Variants in KCTD16 observed in about 807,000 individuals in gnomAD.
KCTD16 encodes BTB/POZ domain-containing protein KCTD16.
A neutral mutation model predicts 33.2 loss-of-function variants in KCTD16; 13 were observed. The observed-to-expected ratio is 0.39, with a 90% CI of 0.25 to 0.62. KCTD16 has a LOEUF of 0.62. Among genes scored for constraint, KCTD16 ranks in the 20% least tolerant of loss-of-function variants. KCTD16 has a pLI of 0.50. For missense variants in KCTD16, 441 were observed against 525.1 expected (o/e 0.84, Z 1.57); for synonymous variants, 197 against 195.3 (o/e 1.01, Z -0.07).
rs954751929 is a variant in KCTD16, at chr5:144,457,111, G to A, written c.833-16549G>A. On this transcript the variant is annotated intron_variant, in intron 3 of 3. Transcript: ENST00000512467. ...TTAACTATATGTATTTAAATGTAAC[G>A]CACACTTATCAAATCTGTGATCAGG... Among the ~76,000 whole-genome samples the A allele has an allele frequency of 9.2e-5, 14 of 152,164 alleles. No individual in the cohort carries two copies. In the East Asian group the frequency reaches 1.2e-3, roughly 13 times the overall value.
At chr5:144,262,550 C>T (rs1755040446) in intron 3 of KCTD16, among the ~76,000 whole-genome samples, 1 of 152,176 alleles carries the variant, frequency 6.6e-6, no homozygotes, top group African/African-American at 2.4e-5. Flanking sequence ...AACAGGTTTT[C>T]CTATACCTTA....
intron 3 of KCTD16, among the ~76,000 whole-genome samples, chr5:144,241,963 C>A (rs777238617): frequency 1.3e-5 from 2 of 152,116 alleles, no homozygotes; most frequent in Admixed American, 6.6e-5. Context: ...TGAAGACTCC[C>A]GTTCTGTTCT....
intron 3 of KCTD16, among the ~76,000 whole-genome samples, chr5:144,353,899 AT>A (rs201841452): frequency 0.027 from 4,074 of 152,150 alleles, 87 homozygotes; most frequent in African/African-American, 0.045. Flanking sequence ...CACAAAATCG[AT>A]GTTTGCTGAC....
At chr5:144,465,960 T>C (rs1017398830) in intron 3 of KCTD16, among the ~76,000 whole-genome samples, 1 of 152,034 alleles carries the variant, frequency 6.6e-6, no homozygotes, top group Non-Finnish European at 1.5e-5. Flanking sequence ...AGTCTCAGCC[T>C]CCCAAGTAGC....
chr5:144,341,524 A>G (rs1464473537), intron 3 of KCTD16, among the ~76,000 whole-genome samples: 1 of 152,246 alleles, frequency 6.6e-6, no homozygotes. Context: ...AAAGATCTGA[A>G]CATCTGCAAT....
intron 3 of KCTD16, among the ~76,000 whole-genome samples, chr5:144,390,348 G>A (rs1022088031): frequency 6.6e-6 from 1 of 152,086 alleles, no homozygotes; most frequent in Non-Finnish European, 1.5e-5. Context: ...TTGAAGGAAA[G>A]GGGAAGGCTG....
Position 144,474,329 on chromosome 5 carries a change from T to C in KCTD16, c.*215T>C, listed in dbSNP as rs1754548384. On this transcript the variant is annotated 3_prime_UTR_variant, in exon 4 of 4. Transcript: ENST00000512467. ...TTCTAGATGTGGAAGTACAAGAAAATCTTTTTTAGTTATTTGTTTGTTTAC... is the reference window on the plus strand; with the variant it reads ...TTCTAGATGTGGAAGTACAAGAAAACCTTTTTTAGTTATTTGTTTGTTTAC... The C allele has an allele frequency of 3.9e-6, 2 of 507,496 alleles. No individual in the cohort carries two copies. Among genetic ancestry groups the C allele is most frequent in the Non-Finnish European group, 7.0e-6 (2 of 287,648 alleles). The allele number at this position is 507,496 out of a possible 1,614,324, so 31.4% of individuals were successfully genotyped here. A position where few individuals can be genotyped will look rare whatever the true frequency, so the allele number is the denominator to read the frequency against.
In KCTD16 at chr5:144,483,530, A is replaced by G. The variant is rs1754746222; in HGVS notation, c.*9416A>G. ...ACCCAAATAGTTGCTCAAAGAAAGAACAATGTAAGTCAAATACAAGAAAAC... is the reference window on the plus strand; with the variant it reads ...ACCCAAATAGTTGCTCAAAGAAAGAGCAATGTAAGTCAAATACAAGAAAAC... On this transcript the variant is annotated 3_prime_UTR_variant, in exon 4 of 4. Transcript: ENST00000512467. 6.6e-6 allele frequency: 1 copy of G among 152,012 alleles called. No individual in the cohort carries two copies. The highest frequency in any genetic ancestry group is 2.1e-4 in the South Asian group (1 of 4,836). 9.4% of individuals were successfully genotyped at this position (152,012 alleles called of 1,614,324 possible). A position where few individuals can be genotyped will look rare whatever the true frequency, so the allele number is the denominator to read the frequency against.
intron 3 of KCTD16, among the ~76,000 whole-genome samples, chr5:144,316,659 C>T (rs111757209): frequency 1.1e-3 from 170 of 151,464 alleles, no homozygotes; most frequent in African/African-American, 3.7e-3. Flanking sequence ...ATTATAGGTG[C>T]CTGCCACCAT....
chr5:144,406,859 ATGAAAC>A (rs896839875), intron 3 of KCTD16, among the ~76,000 whole-genome samples: 9 of 152,180 alleles, frequency 5.9e-5, no homozygotes, highest in African/African-American at 1.9e-4. Context: ...CAGCCTCTGT[ATGAAAC>A]TGTAAGGCAG....
chr5:144,452,026 G>A (rs1361820618), intron 3 of KCTD16, among the ~76,000 whole-genome samples: 1 of 151,446 alleles, frequency 6.6e-6, no homozygotes, highest in African/African-American at 2.4e-5. Context: ...GTTACAAACA[G>A]ACATTTCTTA....
At chr5:144,422,329 G>C (rs935091265) in intron 3 of KCTD16, among the ~76,000 whole-genome samples, 3 of 152,138 alleles carry the variant, frequency 2.0e-5, no homozygotes, top group Non-Finnish European at 4.4e-5. Flanking sequence ...TTGGAATGGT[G>C]TGCCATGTAT....
intron 3 of KCTD16, among the ~76,000 whole-genome samples, chr5:144,223,715 C>T (rs1053426610): frequency 3.9e-4 from 59 of 152,028 alleles, no homozygotes; most frequent in African/African-American, 1.4e-3. Context: ...TAGAGCATCC[C>T]GAGGTGGAGA....
chr5:144,412,554 T>C (rs1428212592), intron 3 of KCTD16, among the ~76,000 whole-genome samples: 1 of 152,132 alleles, frequency 6.6e-6, no homozygotes, highest in Non-Finnish European at 1.5e-5. Flanking sequence ...AGAGTTTGAC[T>C]AGTGGATTCA....
chr5:144,337,556 G>A (rs532910797), intron 3 of KCTD16, among the ~76,000 whole-genome samples: 10 of 138,748 alleles, frequency 7.2e-5, no homozygotes, highest in African/African-American at 3.1e-4. Context: ...TTTATGTGAT[G>A]TACATTGTTT....
chr5:144,225,955 C>T (rs1180404661), intron 3 of KCTD16, among the ~76,000 whole-genome samples: 2 of 152,184 alleles, frequency 1.3e-5, no homozygotes, highest in African/African-American at 4.8e-5. Flanking sequence ...AAAACTTATT[C>T]TTTATTTAAA....
At chr5:144,211,428 C>A (rs1314016022) in intron 3 of KCTD16, among the ~76,000 whole-genome samples, 1 of 152,098 alleles carries the variant, frequency 6.6e-6, no homozygotes, top group Non-Finnish European at 1.5e-5. Context: ...TCCAGGACTT[C>A]TTGAGCACCA....
chr5:144,446,590 G>A (rs190430711), intron 3 of KCTD16, among the ~76,000 whole-genome samples: 15 of 152,040 alleles, frequency 9.9e-5, no homozygotes, highest in African/African-American at 2.4e-4. Flanking sequence ...CCTGCACAGC[G>A]AAAGAAACTA....
intron 3 of KCTD16, among the ~76,000 whole-genome samples, chr5:144,297,668 G>T (rs1756078469): frequency 6.6e-6 from 1 of 152,152 alleles, no homozygotes; most frequent in Admixed American, 6.5e-5. Context: ...TCAACATGGG[G>T]CTTGCAACTT....
Sources: allele counts gnomAD v4.1 joint callset (sites outside exome capture counted in the v4.1 genomes callset), GRCh38; gene constraint gnomAD v4.1.1; transcripts MANE v1.5; gene names NCBI Gene and HGNC (gene_info 2026-07-23, HGNC 2026-07-21).